PCDHA6: variants seen among roughly 807,000 people sequenced by gnomAD.
PCDHA6 encodes the protein protocadherin alpha-6.
Under a neutral mutation model 60.3 loss-of-function variants are expected in PCDHA6, and 55 were observed. The ratio of observed to expected loss-of-function variants is 0.91; its 90% CI spans 0.73 to 1.14. The LOEUF is 1.14. Ranked by LOEUF, PCDHA6 falls within the 50% of genes most tolerant of loss-of-function variation. The pLI is 0.00. For missense variants in PCDHA6, 1,327 were observed against 1,256.5 expected, an observed-to-expected ratio of 1.06 and a Z score of -0.85; for synonymous variants, 652 against 557.9, an observed-to-expected ratio of 1.17 and a Z score of -2.38.
At chr5:140,897,009 A>G (rs550757061) in intron 1 of PCDHA6, among the ~76,000 whole-genome samples, 6 of 152,292 alleles carry the variant, frequency 3.9e-5, no homozygotes, top group African/African-American at 9.6e-5. Context: ...ATTTTTAAAT[A>G]TACAACTAAA....
chr5:140,852,153 T>C, intron 1 of PCDHA6: 1 of 858,712 alleles, frequency 1.2e-6, no homozygotes, highest in Non-Finnish European at 1.4e-6. Context: ...CAGAATGGCC[T>C]TGAGAATAGA....
Position 140,969,539 on chromosome 5 carries a change from A to G in PCDHA6, c.2395-9410A>G, listed in dbSNP as rs551546462. ...GAATTGTTTTATTTTTCATTTTCAGAGGCATGAAGCCTTGTCCATAAAATT... is the reference window on the plus strand; with the variant it reads ...GAATTGTTTTATTTTTCATTTTCAGGGGCATGAAGCCTTGTCCATAAAATT... On this transcript the variant is annotated intron_variant, in intron 1 of 3. Transcript: ENST00000529310. The G allele has an allele frequency of 2.3e-6, 3 of 1,303,614 alleles. No individual in the cohort carries two copies. The Admixed American group carries it at 8.5e-5, about 37-fold the overall frequency. 80.8% of individuals were successfully genotyped at this position (1,303,614 alleles called of 1,614,324 possible).
chr5:140,951,220 C>G (rs1554219798), intron 1 of PCDHA6, among the ~76,000 whole-genome samples: 1 of 151,926 alleles, frequency 6.6e-6, no homozygotes, highest in Non-Finnish European at 1.5e-5. Context: ...GGTTTGGATT[C>G]TTGATGGTCT....
At chr5:140,970,464 G>T (rs2096408291) in intron 1 of PCDHA6, among the ~76,000 whole-genome samples, 1 of 152,154 alleles carries the variant, frequency 6.6e-6, no homozygotes, top group African/African-American at 2.4e-5. Flanking sequence ...ATTTAAGTAG[G>T]TATAAGGCCA....
At chr5:140,877,748 G>T in intron 1 of PCDHA6, 1 of 1,614,188 alleles carries the variant, frequency 6.2e-7, no homozygotes, top group Non-Finnish European at 8.5e-7. Flanking sequence ...CAGAGGGTGT[G>T]CTCTGCAGAG....
intron 1 of PCDHA6, chr5:140,856,221 T>C (rs2043861898): frequency 1.9e-6 from 3 of 1,597,980 alleles, no homozygotes; most frequent in Non-Finnish European, 2.6e-6. Flanking sequence ...CTGGCGGAGC[T>C]GGTGCAGCGC....
At chr5:140,972,622 T>C (rs1554234253) in intron 1 of PCDHA6, among the ~76,000 whole-genome samples, 1 of 151,940 alleles carries the variant, frequency 6.6e-6, no homozygotes, top group African/African-American at 2.4e-5. Flanking sequence ...CTGAATGTTG[T>C]TGGCACTCCC....
At chr5:140,918,226 T>C (rs528915665) in intron 1 of PCDHA6, among the ~76,000 whole-genome samples, 1 of 152,342 alleles carries the variant, frequency 6.6e-6, no homozygotes, top group African/African-American at 2.4e-5. Context: ...ATGCTGATTT[T>C]TGTACATTGA....
At chr5:140,895,273 A>T (rs2064941325) in intron 1 of PCDHA6, among the ~76,000 whole-genome samples, 2 of 151,970 alleles carry the variant, frequency 1.3e-5, no homozygotes, top group South Asian at 4.1e-4. Context: ...TTACTCAGGG[A>T]TAATTGAATT....
In PCDHA6 at chr5:140,903,563, T is replaced by C. The variant is rs1459855021; in HGVS notation, c.2394+73078T>C. ...CAAGAAACTTTTCTAATAAGTGGAA[T>C]TGGGAGCTGTCTAGCTGGTGTTGGC... On this transcript the variant is annotated intron_variant, in intron 1 of 3. Transcript: ENST00000529310. Among the ~76,000 whole-genome samples the C allele has an allele frequency of 2.6e-5, 4 of 152,208 alleles. No individual in the cohort carries two copies. In the East Asian group the frequency reaches 5.8e-4, roughly 22 times the overall value.
intron 1 of PCDHA6, among the ~76,000 whole-genome samples, chr5:140,855,657 G>A (rs2043553278): frequency 6.7e-6 from 1 of 149,788 alleles, no homozygotes; most frequent in African/African-American, 2.5e-5. Context: ...GGTTAGGGAA[G>A]AAATCACTAC....
intron 1 of PCDHA6, among the ~76,000 whole-genome samples, chr5:140,888,588 C>G (rs1419931317): frequency 6.6e-6 from 1 of 152,212 alleles, no homozygotes; most frequent in Non-Finnish European, 1.5e-5. Flanking sequence ...TGTTAGTACA[C>G]ATTCAGAGCA....
intron 1 of PCDHA6, among the ~76,000 whole-genome samples, chr5:140,970,714 A>C (rs1554232672): frequency 6.6e-6 from 1 of 152,220 alleles, no homozygotes; most frequent in Non-Finnish European, 1.5e-5. Flanking sequence ...CAATGTGTGA[A>C]CAATATTTGT....
chr5:140,946,631 T>TATATAGATATATATATATATATATACAC (rs57893927), intron 1 of PCDHA6, among the ~76,000 whole-genome samples: 1 of 131,846 alleles, frequency 7.6e-6, no homozygotes, highest in African/African-American at 3.5e-5. Flanking sequence ...TATATATATA[T>TATATAGATATATATATATATATATACAC]ACAATGGAAT....
At chr5:140,936,630 T>C (rs1309907947) in intron 1 of PCDHA6, among the ~76,000 whole-genome samples, 1 of 152,234 alleles carries the variant, frequency 6.6e-6, no homozygotes, top group Non-Finnish European at 1.5e-5. Context: ...GCTACCTTTG[T>C]CATAAGCAAC....
At chr5:140,978,570 G>A (rs151127662) in intron 1 of PCDHA6, among the ~76,000 whole-genome samples, 216 of 152,314 alleles carry the variant, frequency 1.4e-3, no homozygotes, top group African/African-American at 4.9e-3. Flanking sequence ...CTGTAATACT[G>A]AATTGGGAAT....
intron 1 of PCDHA6, among the ~76,000 whole-genome samples, chr5:140,956,898 T>G (rs1554222699): frequency 6.6e-6 from 1 of 152,218 alleles, no homozygotes; most frequent in Admixed American, 6.6e-5. Flanking sequence ...ATGAATATTC[T>G]TAAATGTATA....
In PCDHA6 at chr5:140,829,234, C is replaced by T. The variant is rs140237774; in HGVS notation, c.1143C>T (p.Ala381=). Residue 381 remains alanine (A), a synonymous_variant, in exon 1 of 4, where the codon GCC becomes GCT. Coordinates refer to ENST00000529310, the MANE Select transcript of PCDHA6 (RefSeq NM_018909.4). ...GCGTGAACGACCTCGATTCAGGTGC[C>T]AACGGGCAGGTGAACTGCTCGCTGA... ...LISVNDLDSG[A]NGQVNCSLTP... The T allele has an allele frequency of 3.7e-6, 6 of 1,614,136 alleles. No homozygotes were observed. In the African/African-American group the frequency reaches 6.7e-5, roughly 18 times the overall value.
intron 1 of PCDHA6, among the ~76,000 whole-genome samples, chr5:140,905,788 G>T (rs1217429620): frequency 2.6e-5 from 4 of 152,046 alleles, no homozygotes; most frequent in Non-Finnish European, 4.4e-5. Flanking sequence ...ATTAGTCAGG[G>T]TTCTCTAGAG....
Sources: allele counts gnomAD v4.1 joint callset (sites outside exome capture counted in the v4.1 genomes callset), GRCh38; gene constraint gnomAD v4.1.1; transcripts MANE v1.5; gene names NCBI Gene and HGNC (gene_info 2026-07-23, HGNC 2026-07-21).